TBCK: variants seen among roughly 807,000 people sequenced by gnomAD.
The protein encoded by TBCK is TBC1 domain containing kinase.
A neutral mutation model predicts 113.4 loss-of-function variants in TBCK; 99 were observed. The observed-to-expected ratio is 0.87, with a 90% CI of 0.74 to 1.03. TBCK has a LOEUF of 1.03. Ranked by LOEUF, TBCK falls within the 50% of genes least tolerant of loss-of-function variation. TBCK has a pLI of 0.00. For missense variants in TBCK, 1,045 were observed against 1,061.3 expected (o/e 0.98, Z 0.21); for synonymous variants, 369 against 370.8 (o/e 1.00, Z 0.05).
At chr4:106,266,268 T>A (rs1762983139) in intron 3 of TBCK, among the ~76,000 whole-genome samples, 2 of 151,810 alleles carry the variant, frequency 1.3e-5, no homozygotes, top group African/African-American at 2.4e-5. Context: ...TAAACCTAGT[T>A]TTATGAACTC....
rs1579174561 is a variant in TBCK at position 106,187,479 on chromosome 4, C to G, written c.2059+6130G>C. Among the ~76,000 whole-genome samples the G allele has an allele frequency of 2.0e-5, 3 of 151,872 alleles. No homozygotes were observed. The South Asian group carries it at 6.2e-4, about 32-fold the overall frequency. ...TTGCCCAGGCTGGAGTGCAGTGGCA[C>G]TATCTTGGCTCACTGAAACCTCTGC... On this transcript the variant is annotated intron_variant, in intron 22 of 25. Transcript: ENST00000394708.
intron 22 of TBCK, among the ~76,000 whole-genome samples, chr4:106,178,695 G>A (rs536376674): frequency 2.6e-5 from 4 of 151,940 alleles, no homozygotes; most frequent in Admixed American, 6.6e-5. Context: ...TTTTTTTAAC[G>A]TGTTGTTGAA....
At chr4:106,241,088 A>T (rs1206030593) in intron 12 of TBCK, among the ~76,000 whole-genome samples, 1 of 151,940 alleles carries the variant, frequency 6.6e-6, no homozygotes, top group Admixed American at 6.6e-5. Context: ...AATGCTTTTC[A>T]ACTTTTCTGT....
chr4:106,287,353 T>C (rs1044215988), intron 3 of TBCK, among the ~76,000 whole-genome samples: 4 of 152,166 alleles, frequency 2.6e-5, no homozygotes, highest in African/African-American at 9.7e-5. Flanking sequence ...TTAATATTGA[T>C]TTAGCATGTC....
At chr4:106,261,819 G>A (rs1264479423) in intron 4 of TBCK, among the ~76,000 whole-genome samples, 8 of 151,736 alleles carry the variant, frequency 5.3e-5, no homozygotes, top group Non-Finnish European at 1.0e-4. Flanking sequence ...ACGCCACAAG[G>A]CTTTAGAAAT....
At chr4:106,227,069 CTT>C (rs907604018) in intron 19 of TBCK, among the ~76,000 whole-genome samples, 2 of 152,050 alleles carry the variant, frequency 1.3e-5, no homozygotes, top group Non-Finnish European at 2.9e-5. Flanking sequence ...TTCTAAAAAT[CTT>C]TCTTGAATTA....
intron 3 of TBCK, among the ~76,000 whole-genome samples, chr4:106,286,646 A>T (rs759088051): frequency 1.3e-5 from 2 of 152,140 alleles, no homozygotes; most frequent in Non-Finnish European, 2.9e-5. Context: ...AGGCAACATA[A>T]TGAGACCCCT....
At chr4:106,109,358 T>C (rs1249841360) in intron 24 of TBCK, among the ~76,000 whole-genome samples, 1 of 152,162 alleles carries the variant, frequency 6.6e-6, no homozygotes, top group Non-Finnish European at 1.5e-5. Context: ...GACATCATGC[T>C]ACCCAACTTC....
chr4:106,181,605 A>C (rs968175652), intron 22 of TBCK, among the ~76,000 whole-genome samples: 2 of 151,992 alleles, frequency 1.3e-5, no homozygotes, highest in East Asian at 3.9e-4. Flanking sequence ...AGTTATCCCA[A>C]CACCATTTAT....
chr4:106,276,704 C>T (rs1439047238), intron 3 of TBCK, among the ~76,000 whole-genome samples: 1 of 151,974 alleles, frequency 6.6e-6, no homozygotes, highest in African/African-American at 2.4e-5. Flanking sequence ...ACCAACCTGG[C>T]CAACCAACAT....
intron 20 of TBCK, among the ~76,000 whole-genome samples, chr4:106,201,246 T>G (rs1037679904): frequency 7.2e-5 from 11 of 152,008 alleles, no homozygotes; most frequent in African/African-American, 2.7e-4. Context: ...GTAATGTCTA[T>G]TATTTTTTCT....
chr4:106,221,173 C>T (rs187012426), intron 19 of TBCK, among the ~76,000 whole-genome samples: 2 of 152,090 alleles, frequency 1.3e-5, no homozygotes, highest in Admixed American at 6.5e-5. Flanking sequence ...TTAGTAGAGA[C>T]GGGGTTTCAC....
chr4:106,243,850 A>C (rs1012454756), intron 11 of TBCK, among the ~76,000 whole-genome samples: 3 of 151,892 alleles, frequency 2.0e-5, no homozygotes, highest in Non-Finnish European at 4.4e-5. Context: ...CACCACGCCC[A>C]GCTAATTTTT....
At chr4:106,224,924 A>G (rs1282060938) in intron 19 of TBCK, among the ~76,000 whole-genome samples, 1 of 152,172 alleles carries the variant, frequency 6.6e-6, no homozygotes, top group African/African-American at 2.4e-5. Flanking sequence ...TACCACACAC[A>G]AGAAAATTGA....
intron 4 of TBCK, among the ~76,000 whole-genome samples, chr4:106,261,172 T>A (rs1762470377): frequency 6.6e-6 from 1 of 152,162 alleles, no homozygotes; most frequent in South Asian, 2.1e-4. Flanking sequence ...AAGAACATTA[T>A]TTCCAAGCAT....
At chr4:106,246,476 A>G (rs951190162) in intron 10 of TBCK, among the ~76,000 whole-genome samples, 2 of 152,128 alleles carry the variant, frequency 1.3e-5, no homozygotes, top group African/African-American at 4.8e-5. Flanking sequence ...ATGATATATA[A>G]TTCTTATCAA....
intron 25 of TBCK, among the ~76,000 whole-genome samples, chr4:106,082,895 G>A (rs1423821219): frequency 6.6e-6 from 1 of 152,232 alleles, no homozygotes; most frequent in East Asian, 1.9e-4. Context: ...AAGGGAGGCA[G>A]TGAGTGAGCA....
chr4:106,058,454 G>A (rs1294111677), intron 25 of TBCK, among the ~76,000 whole-genome samples: 1 of 151,752 alleles, frequency 6.6e-6, no homozygotes, highest in African/African-American at 2.4e-5. Context: ...GGATTTAAGA[G>A]TGATACTTAG....
intron 19 of TBCK, among the ~76,000 whole-genome samples, chr4:106,218,618 A>C (rs1372154445): frequency 1.1e-5 from 1 of 91,458 alleles, no homozygotes; most frequent in African/African-American, 4.1e-5. Context: ...CACATGAAAA[A>C]ATGCTCACCA....
Sources: allele counts gnomAD v4.1 joint callset (sites outside exome capture counted in the v4.1 genomes callset), GRCh38; gene constraint gnomAD v4.1.1; transcripts MANE v1.5; gene names NCBI Gene and HGNC (gene_info 2026-07-23, HGNC 2026-07-21).